Variants in CACNA2D3 observed in about 807,000 individuals in gnomAD.
The protein encoded by CACNA2D3 is voltage-dependent calcium channel subunit alpha-2/delta-3.
CACNA2D3 carries 60 observed loss-of-function variants against 160.6 expected under a neutral mutation model. That is an observed-to-expected ratio of 0.37 (90% CI 0.30 to 0.46). The LOEUF (loss-of-function observed/expected upper bound fraction) is 0.46. CACNA2D3 is among the 20% of genes least tolerant of loss of function. The pLI is 1.00. For synonymous variants in CACNA2D3, 558 were observed against 492.9 expected (o/e 1.13, Z -1.75); for missense variants, 1,205 against 1,365.0 (o/e 0.88, Z 1.85).
At chr3:54,736,357 A>G (rs1289890398) in intron 11 of CACNA2D3, among the ~76,000 whole-genome samples, 1 of 151,834 alleles carries the variant, frequency 6.6e-6, no homozygotes, top group Non-Finnish European at 1.5e-5. Flanking sequence ...ATTTTTCTGT[A>G]ATGTGAACAG....
intron 13 of CACNA2D3, among the ~76,000 whole-genome samples, chr3:54,782,980 AT>A (rs1463114512): frequency 1.3e-5 from 2 of 152,136 alleles, no homozygotes; most frequent in East Asian, 1.9e-4. Context: ...CATGTGTCAG[AT>A]AGGCCCTATT....
chr3:54,339,717 AAT>A (rs1476953152), intron 3 of CACNA2D3, among the ~76,000 whole-genome samples: 1 of 152,200 alleles, frequency 6.6e-6, no homozygotes, highest in Non-Finnish European at 1.5e-5. Flanking sequence ...GAGTAACTTA[AAT>A]AAGTTTTCTT....
intron 5 of CACNA2D3, among the ~76,000 whole-genome samples, chr3:54,556,658 A>G (rs1360669087): frequency 6.6e-6 from 1 of 152,204 alleles, no homozygotes; most frequent in Admixed American, 6.5e-5. Flanking sequence ...TCTGAGGCCT[A>G]AAGAACCGCA....
At chr3:55,060,546 A>T (rs529815775) in intron 35 of CACNA2D3, among the ~76,000 whole-genome samples, 1 of 152,188 alleles carries the variant, frequency 6.6e-6, no homozygotes, top group African/African-American at 2.4e-5. Context: ...GGAGAAAATG[A>T]TATTTCTTTG....
At chr3:54,714,444 G>C (rs1701012450) in intron 11 of CACNA2D3, among the ~76,000 whole-genome samples, 1 of 152,130 alleles carries the variant, frequency 6.6e-6, no homozygotes. Flanking sequence ...TTAGGATTCA[G>C]CTTTTTCAGT....
At chr3:54,905,745 C>T (rs111915431) in intron 27 of CACNA2D3, among the ~76,000 whole-genome samples, 11,958 of 152,094 alleles carry the variant, frequency 0.079, 543 homozygotes, top group Middle Eastern at 0.13. Context: ...TCTTGCAAAG[C>T]GCAGGACAGC....
chr3:54,422,070 C>T (rs1575446252), intron 4 of CACNA2D3, among the ~76,000 whole-genome samples: 1 of 152,172 alleles, frequency 6.6e-6, no homozygotes, highest in African/African-American at 2.4e-5. Context: ...ATATATCCTT[C>T]GCTTCTAATT....
chr3:54,364,361 A>T (rs1698794179), intron 3 of CACNA2D3, among the ~76,000 whole-genome samples: 1 of 152,246 alleles, frequency 6.6e-6, no homozygotes, highest in South Asian at 2.1e-4. Flanking sequence ...GACCTTGAGC[A>T]ATATCTAATT....
At chr3:54,940,728 T>C (rs1701444914) in intron 27 of CACNA2D3, among the ~76,000 whole-genome samples, 1 of 152,230 alleles carries the variant, frequency 6.6e-6, no homozygotes, top group African/African-American at 2.4e-5. Context: ...GACGTTCCTT[T>C]TGCATTTATT....
intron 16 of CACNA2D3, among the ~76,000 whole-genome samples, chr3:54,842,593 CTTTTTTTT>C: frequency 7.3e-6 from 1 of 137,788 alleles, no homozygotes; most frequent in African/African-American, 2.7e-5. Context: ...TTCTCTTTTT[CTTTTTTTT>C]CTTTTCTTTT....
intron 4 of CACNA2D3, among the ~76,000 whole-genome samples, chr3:54,424,718 G>A (rs1021597090): frequency 9.2e-5 from 14 of 152,082 alleles, no homozygotes; most frequent in African/African-American, 3.1e-4. Context: ...AGATTTCTCC[G>A]CACTGCCTCT....
At chr3:54,918,511 T>C (rs756712279) in intron 27 of CACNA2D3, 3 of 1,613,986 alleles carry the variant, frequency 1.9e-6, no homozygotes, top group Non-Finnish European at 2.5e-6. Context: ...CCCAGGATCA[T>C]TGGTTTGAGC....
intron 2 of CACNA2D3, among the ~76,000 whole-genome samples, chr3:54,187,962 T>A (rs183119489): frequency 6.6e-6 from 1 of 152,176 alleles, no homozygotes; most frequent in East Asian, 1.9e-4. Flanking sequence ...GATGACCTGA[T>A]GTTTATCATA....
intron 11 of CACNA2D3, among the ~76,000 whole-genome samples, chr3:54,742,417 CA>C (rs1438840524): frequency 6.6e-6 from 1 of 151,758 alleles, no homozygotes; most frequent in African/African-American, 2.4e-5. Context: ...GACTGTGTCT[CA>C]AAAAATAATA....
At position 54,143,538 on chromosome 3, in the gene CACNA2D3, C is replaced by T. The variant is rs570590956; in HGVS notation, c.204+19944C>T. Among the ~76,000 whole-genome samples the T allele has an allele frequency of 1.4e-4, 21 of 152,250 alleles. No homozygotes were observed. In the East Asian group the frequency reaches 3.5e-3, roughly 25 times the overall value. ...TTTTTGAGATGGAGGCTTGCTCTGT[C>T]GCCCAGGCTGGAGTGCAGTGGCGTA... On this transcript the variant is annotated intron_variant, in intron 2 of 37. Transcript: ENST00000474759.
chr3:54,191,868 G>A (rs1046740664), intron 2 of CACNA2D3, among the ~76,000 whole-genome samples: 2 of 152,190 alleles, frequency 1.3e-5, no homozygotes, highest in Admixed American at 6.5e-5. Context: ...GGCCCCAAAA[G>A]CGTTAGCTGT....
At chr3:54,721,684 C>T (rs959464548) in intron 11 of CACNA2D3, among the ~76,000 whole-genome samples, 6 of 150,444 alleles carry the variant, frequency 4.0e-5, no homozygotes, top group Non-Finnish European at 2.9e-5. Context: ...TCACTTGAAC[C>T]CAGGAGGTGG....
chr3:54,319,199 C>CACACACACACACACACACACACAT (rs1291286123), intron 2 of CACNA2D3, among the ~76,000 whole-genome samples: 5 of 149,274 alleles, frequency 3.3e-5, no homozygotes, highest in East Asian at 2.1e-4. Context: ...CACACACACA[C>CACACACACACACACACACACACAT]ACCCTTCCTC....
In CACNA2D3 at chr3:54,691,111, G is replaced by T. The variant is rs114405664; in HGVS notation, c.1167+48870G>T. On this transcript the variant is annotated intron_variant, in intron 11 of 37. Coordinates refer to ENST00000474759, the MANE Select transcript of CACNA2D3 (RefSeq NM_018398.3). Reference sequence around the variant, plus strand: ...ACTCTAATGGGGTTGGGCTTTGTCAGTTCTTAGGAGAAGAGGCCTGGTTCC... The same window carrying T: ...ACTCTAATGGGGTTGGGCTTTGTCATTTCTTAGGAGAAGAGGCCTGGTTCC... Among the ~76,000 whole-genome samples the T allele has an allele frequency of 3.3e-5, 5 of 152,282 alleles. No homozygotes were observed. In the East Asian group the frequency reaches 7.7e-4, roughly 23 times the overall value.
Sources: allele counts gnomAD v4.1 joint callset (sites outside exome capture counted in the v4.1 genomes callset), GRCh38; gene constraint gnomAD v4.1.1; transcripts MANE v1.5; gene names NCBI Gene and HGNC (gene_info 2026-07-23, HGNC 2026-07-21).